PCDHGA7: variants seen among roughly 807,000 people sequenced by gnomAD.
The protein encoded by PCDHGA7 is protocadherin gamma-A7.
Under a neutral mutation model 58.3 loss-of-function variants are expected in PCDHGA7, and 44 were observed. The observed-to-expected ratio is 0.75, with a 90% CI of 0.59 to 0.97. PCDHGA7 has a LOEUF of 0.97. Among genes scored for constraint, PCDHGA7 ranks in the 50% least tolerant of loss-of-function variants. PCDHGA7 has a pLI of 0.00. For synonymous variants in PCDHGA7, 516 were observed against 504.2 expected (o/e 1.02, Z -0.31); for missense variants, 1,266 against 1,188.7 (o/e 1.06, Z -0.96).
intron 1 of PCDHGA7, chr5:141,388,934 A>G (rs1225337103): frequency 1.9e-6 from 3 of 1,613,896 alleles, no homozygotes; most frequent in Non-Finnish European, 2.5e-6. Context: ...TCCAGTCTCT[A>G]CCCAACCTAA....
chr5:141,409,928 G>C (rs2095338081), intron 1 of PCDHGA7: 1 of 1,613,354 alleles, frequency 6.2e-7, no homozygotes, highest in Non-Finnish European at 8.5e-7. Context: ...CGCGTTCTTC[G>C]ATATGGTACC....
intron 1 of PCDHGA7, chr5:141,427,070 G>A (rs929936578): frequency 3.1e-5 from 14 of 457,822 alleles, no homozygotes; most frequent in Non-Finnish European, 6.2e-5. Context: ...TACTAAAGGT[G>A]ACAGCCACTG....
At chr5:141,391,397 C>T (rs1341257748) in intron 1 of PCDHGA7, 1 of 151,598 alleles carries the variant, frequency 6.6e-6, no homozygotes, top group African/African-American at 2.4e-5. Flanking sequence ...CCTCCAGCCT[C>T]AAACTCCTGG....
chr5:141,408,211 G>A (rs1285774248), intron 1 of PCDHGA7: 1 of 1,554,426 alleles, frequency 6.4e-7, no homozygotes, highest in South Asian at 1.2e-5. Flanking sequence ...CGATGGGAGG[G>A]AGCTGCGCGC....
rs1484877981 is a variant in PCDHGA7, at chr5:141,384,739, C to A, written c.1840C>A (p.Pro614Thr). The change falls in exon 1 of 4, where the codon CCA (proline) becomes ACA (threonine). Residue 614 changes from proline (P) to threonine (T), a missense_variant. Coordinates refer to ENST00000518325, the MANE Select transcript of PCDHGA7 (RefSeq NM_018920.4). ...LSYLLLKASEPGLFAVGLYTG... is the reference protein window; with the variant it reads ...LSYLLLKASETGLFAVGLYTG... ...ATACCTCCTGCTTAAGGCCAGCGAG[C>A]CAGGACTCTTTGCGGTTGGGCTGTA... 6.2e-7 allele frequency: 1 copy of A among 1,613,938 alleles called. No individual in the cohort carries two copies. The highest frequency in any genetic ancestry group is 1.3e-5 in the African/African-American group (1 of 74,944).
At chr5:141,412,479 T>G (rs1282087411) in intron 1 of PCDHGA7, 1 of 152,180 alleles carries the variant, frequency 6.6e-6, no homozygotes, top group African/African-American at 2.4e-5. Context: ...TTTAAAAACC[T>G]CTTACACAAT....
chr5:141,472,564 A>G (rs1471933375), intron 1 of PCDHGA7, among the ~76,000 whole-genome samples: 6 of 152,050 alleles, frequency 3.9e-5, no homozygotes, highest in Admixed American at 2.6e-4. Context: ...TATATTATAA[A>G]TGCTGCATCT....
chr5:141,438,591 C>CATATATATATAT (rs946798767), intron 1 of PCDHGA7, among the ~76,000 whole-genome samples: 3 of 75,560 alleles, frequency 4.0e-5, no homozygotes, highest in Non-Finnish European at 5.4e-5. Flanking sequence ...TACATACATA[C>CATATATATATAT]ATATATATAT....
chr5:141,421,791 T>TG, intron 1 of PCDHGA7: 1 of 1,613,792 alleles, frequency 6.2e-7, no homozygotes, highest in Non-Finnish European at 8.5e-7. Flanking sequence ...GCAGAACGGA[T>TG]GGGGCCAAGA....
chr5:141,392,298 G>T (rs568188111), intron 1 of PCDHGA7: 3 of 152,090 alleles, frequency 2.0e-5, no homozygotes, highest in African/African-American at 7.2e-5. Flanking sequence ...GGAAATGAAA[G>T]TATCATGTTT....
At chr5:141,389,893 T>TGCCGGATATCACTGACC in intron 1 of PCDHGA7, 1 of 1,614,094 alleles carries the variant, frequency 6.2e-7, no homozygotes, top group Non-Finnish European at 8.5e-7. Context: ...CAGGAGGTGC[T>TGCCGGATATCACTGACC]GCCGGATATC....
chr5:141,501,412 T>C (rs1479005426), intron 2 of PCDHGA7, among the ~76,000 whole-genome samples: 7 of 151,550 alleles, frequency 4.6e-5, no homozygotes, highest in African/African-American at 1.7e-4. Context: ...GCTTGGAAAA[T>C]AGTTGACTAA....
At chr5:141,422,806 C>A in intron 1 of PCDHGA7, 1 of 1,614,208 alleles carries the variant, frequency 6.2e-7, no homozygotes, top group Non-Finnish European at 8.5e-7. Flanking sequence ...TGAGCAGTTT[C>A]GAGACTTAGA....
At chr5:141,494,075 C>T (rs1482844644) in intron 1 of PCDHGA7, among the ~76,000 whole-genome samples, 7 of 152,322 alleles carry the variant, frequency 4.6e-5, no homozygotes, top group East Asian at 1.9e-4. Context: ...GATCCCTCCC[C>T]GCTGCATCCC....
At chr5:141,492,778 G>A (rs2099743821) in intron 1 of PCDHGA7, among the ~76,000 whole-genome samples, 1 of 152,250 alleles carries the variant, frequency 6.6e-6, no homozygotes, top group South Asian at 2.1e-4. Context: ...GAGTGAGTGA[G>A]CCTCTATAGG....
At position 141,510,993 on chromosome 5, in the gene PCDHGA7, G is replaced by A. The variant is rs1457918073; in HGVS notation, c.2619G>A (p.Met873Ile). The A allele has an allele frequency of 4.3e-6, 7 of 1,614,046 alleles. No homozygotes were observed. Among genetic ancestry groups the A allele is most frequent in the African/African-American group, 1.3e-5 (1 of 74,906 alleles). ...CCCTGGGAGGGGGTGCCGGCACCAT[G>A]GGATTGAGCGCCCGCTACGGACCCC... ...SSTLGGGAGT[M>I]GLSARYGPQF... The change falls in exon 4 of 4, where the codon ATG (methionine) becomes ATA (isoleucine). Residue 873 changes from methionine to isoleucine, a missense_variant. Transcript: ENST00000518325.
At chr5:141,386,140 G>A (rs1246033956) in intron 1 of PCDHGA7, 1 of 152,170 alleles carries the variant, frequency 6.6e-6, no homozygotes, top group African/African-American at 2.4e-5. Context: ...TACTGGCTTT[G>A]TTTCAACTGT....
intron 1 of PCDHGA7, chr5:141,398,772 G>T: frequency 6.2e-7 from 1 of 1,613,910 alleles, no homozygotes; most frequent in Non-Finnish European, 8.5e-7. Flanking sequence ...TGACTGCCTT[G>T]GACGGTGGAC....
intron 1 of PCDHGA7, among the ~76,000 whole-genome samples, chr5:141,407,257 T>C (rs1325198387): frequency 1.3e-5 from 2 of 152,240 alleles, no homozygotes; most frequent in Non-Finnish European, 2.9e-5. Context: ...CTCATATTTT[T>C]AACCATGCAA....
Sources: gnomAD v4.1 joint callset for allele counts (sites outside exome capture counted in the v4.1 genomes callset) on GRCh38, gnomAD v4.1.1 for gene constraint, MANE v1.5 for transcripts, NCBI Gene and HGNC (gene_info 2026-07-23, HGNC 2026-07-21) for gene names.